The following SEC16B variants were observed in gnomAD, a reference collection of about 807,000 sequenced individuals.
SEC16B encodes protein transport protein Sec16B.
Under a neutral mutation model 141.8 loss-of-function variants are expected in SEC16B, and 115 were observed. The ratio of observed to expected loss-of-function variants is 0.81; its 90% CI spans 0.70 to 0.95. The LOEUF (loss-of-function observed/expected upper bound fraction) is 0.95, where lower values mean the gene tolerates loss of function less well. Among genes scored for constraint, SEC16B ranks in the 40% least tolerant of loss-of-function variants. The probability of loss-of-function intolerance (pLI) is 0.00; values close to 1 mark genes in which losing one functional copy is unlikely to be tolerated. For synonymous variants in SEC16B, 493 were observed against 492.5 expected (o/e 1.00, Z -0.01); for missense variants, 1,291 against 1,312.3 (o/e 0.98, Z 0.25).
Position 177,958,832 on chromosome 1 carries a change from G to A in SEC16B, c.1134+8C>T. ...CTGCACCTGCTCTCCCACCAGAACA[G>A]AACTTACCCCATTCTGGCGACAAAG... On this transcript the variant is annotated splice_region_variant and intron_variant, in intron 9 of 25. Coordinates refer to ENST00000308284, the MANE Select transcript of SEC16B (RefSeq NM_033127.4). 1 of 1,612,794 alleles carries A rather than the reference G, an allele frequency of 6.2e-7. No homozygotes were observed. The highest frequency in any genetic ancestry group is 8.5e-7 in the Non-Finnish European group (1 of 1,179,194).
At chr1:177,944,845 T>C (rs532842) in intron 14 of SEC16B, among the ~76,000 whole-genome samples, 179 bp from the exon 15 acceptor site, 144,075 of 152,074 alleles carry the variant, frequency 0.95, 68,256 homozygotes, top group East Asian at 0.99. Context: ...AGTGTTTCAC[T>C]TCCTCTCCCT....
chr1:177,932,588 G>T lies in SEC16B; in HGVS notation c.2933-19C>A. ...CCCCCACCTGGAAAGTAATGAGGCA[G>T]AGCTGTTTCCTCTGCTCAGGACTGG... On this transcript the variant is annotated intron_variant, in intron 23 of 25. Transcript: ENST00000308284. 6.5e-7 allele frequency: 1 copy of T among 1,545,272 alleles called. No individual in the cohort carries two copies. Among genetic ancestry groups the T allele is most frequent in the Non-Finnish European group, 8.7e-7 (1 of 1,145,884 alleles).
intron 16 of SEC16B, 117 bp from the exon 17 acceptor site, chr1:177,940,831 C>T (rs1055202698): frequency 2.9e-5 from 17 of 593,376 alleles, no homozygotes; most frequent in Non-Finnish European, 4.4e-5. Context: ...GAAAGAGAGC[C>T]TTAACTAACT....
chr1:177,954,285 A>G lies in SEC16B; in HGVS notation c.1457T>C (p.Met486Thr). The change falls in exon 11 of 26, where the codon ATG becomes ACG. Residue 486 changes from methionine to threonine, a missense_variant. By Grantham distance (81) the Met-to-Thr change is moderately conservative. Coordinates refer to ENST00000308284, the MANE Select transcript of SEC16B (RefSeq NM_033127.4). Reference protein sequence around the residue: ...KMDPQTYSWVMSGFTSTLALN... With the variant: ...KMDPQTYSWVTSGFTSTLALN... ...TTGTTAAGTCCTGACTCACCCACTC[A>G]TGACCCAGCTGTAGGTCTGTGGGTC... is the stretch of plus-strand genomic sequence containing the variant. The G allele has an allele frequency of 1.3e-6, 2 of 1,563,410 alleles. No homozygotes were observed. Among genetic ancestry groups the G allele is most frequent in the Non-Finnish European group, 1.7e-6 (2 of 1,153,060 alleles).
At chr1:177,936,392 G>C (rs1181868115) in intron 19 of SEC16B, 27 bp from the exon 20 acceptor site, 1 of 1,578,182 alleles carries the variant, frequency 6.3e-7, no homozygotes, top group Non-Finnish European at 8.7e-7. Flanking sequence ...AATGGAAATA[G>C]CAATTGGAAG....
intron 2 of SEC16B, among the ~76,000 whole-genome samples, chr1:177,966,626 C>T (rs911553036): frequency 3.3e-5 from 5 of 152,002 alleles, no homozygotes; most frequent in Non-Finnish European, 5.9e-5. Flanking sequence ...AGTGCAGTGG[C>T]GTGATCTTGG....
chr1:177,960,962 G>A (rs777658440), intron 6 of SEC16B, 23 bp from the exon 7 acceptor site: 28 of 1,513,890 alleles, frequency 1.8e-5, no homozygotes, highest in Non-Finnish European at 2.3e-5. Flanking sequence ...AGACACAGAT[G>A]GACATTGTTA....
At chr1:177,933,843 C>T (rs189094924) in intron 20 of SEC16B, among the ~76,000 whole-genome samples, 4 of 152,068 alleles carry the variant, frequency 2.6e-5, no homozygotes, top group Non-Finnish European at 5.9e-5. Context: ...CCATGTTATC[C>T]CTAATTCTAC....
chr1:177,957,241 T>C (rs1049468540), intron 10 of SEC16B, among the ~76,000 whole-genome samples: 13 of 152,148 alleles, frequency 8.5e-5, no homozygotes, highest in African/African-American at 2.9e-4. Context: ...TTTATAGTGG[T>C]TGACAAAATT....
chr1:177,983,265 C>G (rs899106245), intron 1 of SEC16B, among the ~76,000 whole-genome samples: 8 of 152,116 alleles, frequency 5.3e-5, no homozygotes, highest in African/African-American at 9.7e-5. Flanking sequence ...GGATCAATGC[C>G]AGGATCCGAA....
In SEC16B at chr1:177,938,582, A is replaced by AAAT. The variant is rs570973751; in HGVS notation, c.2204-1072_2204-1070dup. 1.0e-3 allele frequency among the ~76,000 whole-genome samples: 155 copies of AAAT among 152,340 alleles called. 2 individuals are homozygous for AAAT. The highest frequency in any genetic ancestry group is 3.5e-3 in the African/African-American group (147 of 41,574). The stretch of plus-strand genomic sequence containing the variant: ...CTTGCAGGATGGAACCCTTTGTAAG[A>AAAT]AATAAAGTCTCCTTTCCAAATGTAC... On this transcript the variant is annotated intron_variant, in intron 18 of 25. Transcript: ENST00000308284.
chr1:177,954,003 A>G (rs1231583321), intron 11 of SEC16B, among the ~76,000 whole-genome samples: 1 of 152,184 alleles, frequency 6.6e-6, no homozygotes, highest in African/African-American at 2.4e-5. Context: ...CTCCCAAAGA[A>G]AGAAGGCTAC....
intron 15 of SEC16B, among the ~76,000 whole-genome samples, chr1:177,942,832 C>A (rs1035551165): frequency 2.0e-5 from 3 of 152,096 alleles, no homozygotes; most frequent in African/African-American, 7.2e-5. Flanking sequence ...AAGCTCCATG[C>A]GAGGTGTGAA....
intron 11 of SEC16B, among the ~76,000 whole-genome samples, chr1:177,953,464 A>G (rs189337510): frequency 3.0e-4 from 46 of 152,196 alleles, no homozygotes; most frequent in African/African-American, 1.0e-3. Flanking sequence ...TCTGCCCCTT[A>G]AAGGAGGGTC....
At position 177,954,358 on chromosome 1, in the gene SEC16B, T is replaced by C; in HGVS notation, c.1384A>G (p.Met462Val). 1.3e-6 allele frequency: 2 copies of C among 1,574,158 alleles called. No homozygotes were observed. Among genetic ancestry groups the C allele is most frequent in the African/African-American group, 1.4e-5 (1 of 74,070 alleles). Residue 462 changes from methionine to valine, a missense_variant, in exon 11 of 26, where the codon ATG (methionine) becomes GTG (valine). This residue lies in a region of SEC16B where 681 missense variants were observed against 675.5 expected (regional missense o/e 1.01). Coordinates refer to ENST00000308284, the MANE Select transcript of SEC16B (RefSeq NM_033127.4). ...GCATGGCCCCACAAGTGGTTCTTCA[T>C]GGCCCACTCCAAGGCTTCCTGAAAA... ...GRKKEALEWA[M>V]KNHLWGHALF...
rs961483950 is a variant in SEC16B at position 177,964,993 on chromosome 1, C to T, written c.533+54G>A. The T allele has an allele frequency of 3.1e-6, 5 of 1,598,980 alleles. No homozygotes were observed. The African/African-American group carries it at 6.7e-5, about 21-fold the overall frequency. On this transcript the variant is annotated intron_variant, in intron 4 of 25. Coordinates refer to ENST00000308284, the MANE Select transcript of SEC16B (RefSeq NM_033127.4). ...ATCAGACGCCAGAAGATTTGCCCGA[C>T]ATAGTCTGAGTTTGACAACATCATG...
intron 12 of SEC16B, among the ~76,000 whole-genome samples, chr1:177,949,721 G>C (rs1652023418): frequency 1.3e-5 from 2 of 152,152 alleles, no homozygotes; most frequent in South Asian, 4.1e-4. Flanking sequence ...CTGGCAGAAA[G>C]ATGTACATAG....
rs1192523585 is a variant in SEC16B, at chr1:177,946,337, A to G, written c.1775+83T>C. Reference sequence around the variant, plus strand: ...GCTGAAATTCACATGAGAAAATGAAAAATGGATCCATAAAACCCAACAAGG... The same window carrying G: ...GCTGAAATTCACATGAGAAAATGAAGAATGGATCCATAAAACCCAACAAGG... On this transcript the variant is annotated intron_variant, in intron 14 of 25. Coordinates refer to ENST00000308284, the MANE Select transcript of SEC16B (RefSeq NM_033127.4). 3 of 997,168 alleles carry G rather than the reference A, an allele frequency of 3.0e-6. No individual in the cohort carries two copies. The African/African-American group carries it at 4.8e-5, about 16-fold the overall frequency. 61.8% of individuals were successfully genotyped at this position (997,168 alleles called of 1,614,324 possible). A position where few individuals can be genotyped will look rare whatever the true frequency, so the allele number is the denominator to read the frequency against.
intron 2 of SEC16B, 62 bp from the exon 3 acceptor site, chr1:177,966,067 G>T: frequency 9.4e-7 from 1 of 1,064,930 alleles, no homozygotes; most frequent in Non-Finnish European, 1.4e-6. Context: ...AGAAACCAAT[G>T]AAGAACTTGA....
Sources: gnomAD v4.1 joint callset for allele counts (sites outside exome capture counted in the v4.1 genomes callset) on GRCh38, gnomAD v4.1.1 for gene constraint, gnomAD v4.1.1 regional missense constraint, MANE v1.5 for transcripts, NCBI Gene and HGNC (gene_info 2026-07-23, HGNC 2026-07-21) for gene names.